Variants in HPGD observed in about 807,000 individuals in gnomAD.
HPGD encodes the protein 15-hydroxyprostaglandin dehydrogenase.
HPGD carries 29 observed loss-of-function variants against 30.0 expected under a neutral mutation model. That is an observed-to-expected ratio of 0.97 (90% CI 0.72 to 1.32). The LOEUF is 1.32. Ranked by LOEUF, HPGD falls within the 40% of genes most tolerant of loss-of-function variation. The pLI, the probability that HPGD is intolerant of heterozygous loss-of-function variation, is 0.00. For missense variants in HPGD, 340 were observed against 322.1 expected (o/e 1.06, Z -0.43); for synonymous variants, 99 against 112.4 (o/e 0.88, Z 0.75).
chr4:174,515,197 A>G (rs1735708352), intron 3 of HPGD, among the ~76,000 whole-genome samples: 4 of 152,162 alleles, frequency 2.6e-5, no homozygotes, highest in Admixed American at 2.0e-4. Flanking sequence ...AAAAAGAGTC[A>G]GAATAGTCAA....
chr4:174,499,003 T>G (rs1734779666), intron 4 of HPGD, among the ~76,000 whole-genome samples: 1 of 152,194 alleles, frequency 6.6e-6, no homozygotes, highest in Non-Finnish European at 1.5e-5. Flanking sequence ...TCTGTAGGTA[T>G]AGTATTATTG....
rs1308348457 is a variant in HPGD at position 174,493,252 on chromosome 4, G to A, written c.561C>T (p.Asn187=). The change falls in exon 6 of 7, where the codon AAC becomes AAT. Residue 187 remains asparagine, a synonymous_variant. Transcript: ENST00000296522. ...TTTCAATTGATTCAAGGATGGCTGT[G>A]TTAACAAAGCCTGGACAAATGGCAT... ...RLNAICPGFV[N]TAILESIEKE... 1 of 1,613,248 alleles carries A rather than the reference G, an allele frequency of 6.2e-7. No homozygotes were observed.
rs767646152 is a variant in HPGD at position 174,492,029 on chromosome 4, A to G, written c.728T>C (p.Met243Thr). ...AATTCCCTTAGAAGTTGTGATCTTC[A>G]TAATAGCACCATTTAAAGCATCATC... ...IEDDALNGAI[M>T]KITTSKGIHF... The change falls in exon 7 of 7, where the codon ATG becomes ACG. Residue 243 changes from methionine to threonine, a missense_variant. Met to Thr is a moderately conservative substitution (Grantham distance 81). Coordinates refer to ENST00000296522, the MANE Select transcript of HPGD (RefSeq NM_000860.6). This position sits in a 1 kb window ranked among gnomAD's most constrained non-coding sequence, Gnocchi z 4.9. The G allele has an allele frequency of 6.8e-6, 11 of 1,609,560 alleles. No individual in the cohort carries two copies. In the South Asian group the frequency reaches 8.8e-5, roughly 13 times the overall value.
intron 3 of HPGD, 121 bp from the exon 4 acceptor site, chr4:174,508,913 G>A (rs1735328585): frequency 1.4e-6 from 1 of 714,902 alleles, no homozygotes; most frequent in African/African-American, 1.7e-5. Flanking sequence ...TATTATCAAT[G>A]AAAGGTTTTA....
chr4:174,512,716 C>A (rs140314349), intron 3 of HPGD, among the ~76,000 whole-genome samples: 12 of 152,198 alleles, frequency 7.9e-5, no homozygotes, highest in Non-Finnish European at 1.2e-4. Context: ...AACAAAGGTT[C>A]CATGGTGTTT....
At chr4:174,519,148 A>G (rs1463839378) in intron 2 of HPGD, among the ~76,000 whole-genome samples, 1 of 152,172 alleles carries the variant, frequency 6.6e-6, no homozygotes, top group South Asian at 2.1e-4. Flanking sequence ...AAGATTTCCT[A>G]ATATGTACCT....
At chr4:174,513,851 AT>A (rs1416574647) in intron 3 of HPGD, among the ~76,000 whole-genome samples, 1 of 152,052 alleles carries the variant, frequency 6.6e-6, no homozygotes, top group African/African-American at 2.4e-5. Context: ...TTTAAAAAAA[AT>A]TTAAAAATCA....
chr4:174,520,751 A>T (rs945105654), intron 2 of HPGD, among the ~76,000 whole-genome samples: 2 of 152,236 alleles, frequency 1.3e-5, no homozygotes, highest in African/African-American at 4.8e-5. Flanking sequence ...GAATGTTGAG[A>T]TCTGACCTGG....
At chr4:174,497,276 T>A (rs1188763621) in intron 4 of HPGD, among the ~76,000 whole-genome samples, 1 of 152,308 alleles carries the variant, frequency 6.6e-6, no homozygotes, top group Admixed American at 6.5e-5. Flanking sequence ...TTGAAATGAA[T>A]TTTTGTTACA....
At chr4:174,509,759 G>A (rs973376467) in intron 3 of HPGD, among the ~76,000 whole-genome samples, 2 of 152,074 alleles carry the variant, frequency 1.3e-5, no homozygotes, top group African/African-American at 2.4e-5. Context: ...AGTTTAAGTG[G>A]TGATTGTCAG....
At chr4:174,522,185 C>T in intron 1 of HPGD, 118 bp from the exon 2 acceptor site, 2 of 1,504,198 alleles carry the variant, frequency 1.3e-6, no homozygotes, top group Non-Finnish European at 1.8e-6. Flanking sequence ...GGTTTGGGTT[C>T]CCTCCCAGCC....
intron 4 of HPGD, chr4:174,508,241 C>A: frequency 1.5e-6 from 1 of 647,484 alleles, no homozygotes; most frequent in Non-Finnish European, 2.8e-6. Context: ...GCTTATACTA[C>A]ATGTAAGTTT....
intron 4 of HPGD, 184 bp from the exon 5 acceptor site, chr4:174,495,808 A>G: frequency 1.6e-6 from 1 of 626,346 alleles, no homozygotes; most frequent in East Asian, 2.8e-5. Flanking sequence ...TATTTGCTCC[A>G]TGACCCGTGT....
intron 3 of HPGD, among the ~76,000 whole-genome samples, chr4:174,511,078 T>G (rs1330174100): frequency 3.9e-5 from 6 of 152,128 alleles, no homozygotes. Flanking sequence ...GAGTTTACCT[T>G]CCTCCCTGGG....
At chr4:174,514,318 G>A (rs912378035) in intron 3 of HPGD, among the ~76,000 whole-genome samples, 1 of 152,022 alleles carries the variant, frequency 6.6e-6, no homozygotes, top group Admixed American at 6.6e-5. Context: ...ACACATGTAT[G>A]TATATTTGCA....
chr4:174,495,770 T>C, intron 4 of HPGD, 146 bp from the exon 5 acceptor site: 1 of 694,678 alleles, frequency 1.4e-6, no homozygotes, highest in East Asian at 2.7e-5. Context: ...CAGATAGCTT[T>C]GTGAAACTCA....
chr4:174,492,297 G>T lies in HPGD; in HGVS notation c.663-203C>A, dbSNP rs1210931368. 6.6e-6 allele frequency among the ~76,000 whole-genome samples: 1 copy of T among 151,624 alleles called. No individual in the cohort carries two copies. The highest frequency in any genetic ancestry group is 1.5e-5 in the Non-Finnish European group (1 of 67,816). ...CTTATTTATCTAATTTATTCAATTA[G>T]ATTTCTTTCAATTGGATATTAACTA... On this transcript the variant is annotated intron_variant, in intron 6 of 6. Transcript: ENST00000296522. This position sits in a 1 kb window ranked among gnomAD's most constrained non-coding sequence, Gnocchi z 4.9.
chr4:174,521,061 T>C (rs1736077702), intron 2 of HPGD, among the ~76,000 whole-genome samples: 1 of 152,204 alleles, frequency 6.6e-6, no homozygotes, highest in Non-Finnish European at 1.5e-5. Flanking sequence ...GAATAAGATT[T>C]GCAAAAGTTT....
chr4:174,500,201 C>T (rs1010530186), intron 4 of HPGD, among the ~76,000 whole-genome samples: 5 of 152,192 alleles, frequency 3.3e-5, no homozygotes, highest in Admixed American at 2.6e-4. Context: ...CAAATTAAAA[C>T]AACAATGAGA....
Sources: allele counts gnomAD v4.1 joint callset (sites outside exome capture counted in the v4.1 genomes callset), GRCh38; gene constraint gnomAD v4.1.1; non-coding constraint Gnocchi (gnomAD v3.1); transcripts MANE v1.5; gene names NCBI Gene and HGNC (gene_info 2026-07-23, HGNC 2026-07-21).